Variants in APC observed in about 807,000 individuals in gnomAD.
The protein encoded by APC is adenomatous polyposis coli protein.
APC carries 72 observed loss-of-function variants against 247.0 expected under a neutral mutation model. The ratio of observed to expected loss-of-function variants is 0.29; its 90% CI spans 0.24 to 0.35. The LOEUF (loss-of-function observed/expected upper bound fraction) is 0.35, where lower values mean the gene tolerates loss of function less well. Ranked by LOEUF, APC falls within the 10% of genes least tolerant of loss-of-function variation. The pLI, the probability that APC is intolerant of heterozygous loss-of-function variation, is 1.00. For synonymous variants in APC, 1,254 were observed against 1,162.5 expected, an observed-to-expected ratio of 1.08 and a Z score of -1.60; for missense variants, 3,400 against 3,360.7, an observed-to-expected ratio of 1.01 and a Z score of -0.29.
intron 7 of APC, among the ~76,000 whole-genome samples, chr5:112,797,531 A>G (rs1580442006): frequency 6.6e-6 from 1 of 152,192 alleles, no homozygotes; most frequent in Non-Finnish European, 1.5e-5. Context: ...TAATTATTAC[A>G]CATGATTCAA....
At chr5:112,732,524 T>C (rs767165592) in intron 1 of APC, among the ~76,000 whole-genome samples, 1 of 152,236 alleles carries the variant, frequency 6.6e-6, no homozygotes, top group Admixed American at 6.5e-5. Flanking sequence ...ATAATATTAT[T>C]TAACAATTGC....
At chr5:112,833,285 C>T (rs995878769) in intron 14 of APC, among the ~76,000 whole-genome samples, 41 of 151,272 alleles carry the variant, frequency 2.7e-4, no homozygotes, top group African/African-American at 9.2e-4. Context: ...CTGGTTCAAG[C>T]GATTCCCCTG....
chr5:112,837,562 A>T lies in APC; in HGVS notation c.1968A>T (p.Leu656=). The stretch of plus-strand genomic sequence containing the variant: ...CTTGATTTTATTTCAGGCAAATCCT[A>T]AGAGAGAACAACTGTCTACAAACTT... ...IATNEDHRQI[L]RENNCLQTLL... Residue 656 remains leucine, a synonymous_variant, in exon 16 of 16, where the codon CTA becomes CTT. Coordinates refer to ENST00000257430, the MANE Select transcript of APC (RefSeq NM_000038.6). The T allele has an allele frequency of 6.2e-7, 1 of 1,612,494 alleles. No individual in the cohort carries two copies. The highest frequency in any genetic ancestry group is 8.5e-7 in the Non-Finnish European group (1 of 1,178,612).
At chr5:112,738,501 C>T in intron 1 of APC, 15 of 985,324 alleles carry the variant, frequency 1.5e-5, no homozygotes, top group Non-Finnish European at 1.8e-5. Context: ...TGGTGAAATA[C>T]TGGTCACCAG....
intron 7 of APC, among the ~76,000 whole-genome samples, chr5:112,793,405 A>G (rs1759860917): frequency 6.6e-6 from 1 of 152,166 alleles, no homozygotes; most frequent in African/African-American, 2.4e-5. Flanking sequence ...AAGGAATGTG[A>G]CTAACCCTGA....
intron 2 of APC, among the ~76,000 whole-genome samples, chr5:112,760,597 C>G (rs1216049214): frequency 6.6e-6 from 1 of 152,074 alleles, no homozygotes; most frequent in Non-Finnish European, 1.5e-5. Flanking sequence ...TTAGGAAAGA[C>G]CTATTAGAGG....
In APC at chr5:112,841,978, T is replaced by A. The variant is rs1580670325; in HGVS notation, c.6384T>A (p.Ala2128=). Residue 2128 remains alanine, a synonymous_variant, in exon 16 of 16, where the codon GCT becomes GCA. Coordinates refer to ENST00000257430, the MANE Select transcript of APC (RefSeq NM_000038.6). This position sits in a 1 kb window ranked among gnomAD's most constrained non-coding sequence, Gnocchi z 4.6. The part of the protein sequence containing the change: ...AAAAACLSRQ[A]SSDSDSILSL... ...CTGCTGCATGTTTATCTAGACAAGC[T>A]TCGTCTGATTCAGATTCCATCCTTT... The A allele has an allele frequency of 1.9e-6, 3 of 1,613,186 alleles. No homozygotes were observed. Among genetic ancestry groups the A allele is most frequent in the Non-Finnish European group, 2.5e-6 (3 of 1,179,188 alleles).
At chr5:112,835,868 C>T (rs991534089) in intron 15 of APC, among the ~76,000 whole-genome samples, 4 of 151,528 alleles carry the variant, frequency 2.6e-5, no homozygotes, top group East Asian at 2.0e-4. Context: ...CCACCGCGCC[C>T]GGCCAATAAT....
At position 112,842,698 on chromosome 5, in the gene APC, TCCA is replaced by T. The variant is rs1064794884; in HGVS notation, c.7105_7107del (p.Pro2369del). ...GTTCTGGAAAAATGTCATATACATC[TCCA>T]GGTAGACAGATGAGCCAACAGAACC... On this transcript the variant is annotated inframe_deletion, in exon 16 of 16. Transcript: ENST00000257430. 1 of 1,613,352 alleles carries T rather than the reference TCCA, an allele frequency of 6.2e-7. No individual in the cohort carries two copies. The highest frequency in any genetic ancestry group is 8.5e-7 in the Non-Finnish European group (1 of 1,179,408).
rs774747249 is a variant in APC at position 112,843,834 on chromosome 5, C to G, written c.8240C>G (p.Pro2747Arg). ...EIKPGQNNPV[P>R]VSETNESSIV... ...AAACCAGGACAAAATAATCCTGTCC[C>G]TGTATCAGAGACTAATGAAAGTTCT... The change falls in exon 16 of 16, where the codon CCT (proline) becomes CGT (arginine). Residue 2747 changes from proline to arginine, a missense_variant. Transcript: ENST00000257430. This position sits in a 1 kb window ranked among gnomAD's most constrained non-coding sequence, Gnocchi z 4.8. 6.2e-7 allele frequency: 1 copy of G among 1,614,022 alleles called. No individual in the cohort carries two copies. The highest frequency in any genetic ancestry group is 8.5e-7 in the Non-Finnish European group (1 of 1,179,948).
At position 112,838,526 on chromosome 5, in the gene APC, C is replaced by A. The variant is rs1765298309; in HGVS notation, c.2932C>A (p.Gln978Lys). Residue 978 changes from glutamine to lysine, a missense_variant, in exon 16 of 16, where the codon CAA becomes AAA. Coordinates refer to ENST00000257430, the MANE Select transcript of APC (RefSeq NM_000038.6). ...SSSDGYGKRG[Q>K]MKPSIESYSE... ...TAGTGATGGTTATGGTAAAAGAGGTCAAATGAAACCCTCGATTGAATCCTA... is the reference window on the plus strand; with the variant it reads ...TAGTGATGGTTATGGTAAAAGAGGTAAAATGAAACCCTCGATTGAATCCTA... 1 of 1,614,110 alleles carries A rather than the reference C, an allele frequency of 6.2e-7. No individual in the cohort carries two copies. Among genetic ancestry groups the A allele is most frequent in the Middle Eastern group, 1.6e-4 (1 of 6,062 alleles).
intron 7 of APC, among the ~76,000 whole-genome samples, chr5:112,795,419 T>C (rs1034854245): frequency 2.6e-5 from 4 of 152,232 alleles, no homozygotes; most frequent in African/African-American, 9.7e-5. Context: ...TAGGCATGAT[T>C]AATTAAATAA....
chr5:112,764,660 G>A (rs1756065462), intron 2 of APC, among the ~76,000 whole-genome samples: 1 of 152,192 alleles, frequency 6.6e-6, no homozygotes, highest in Non-Finnish European at 1.5e-5. Flanking sequence ...AGTGAAGTTA[G>A]GATTCGAGAC....
chr5:112,813,752 TA>T (rs374758963), intron 8 of APC, among the ~76,000 whole-genome samples: 320 of 132,068 alleles, frequency 2.4e-3, no homozygotes, highest in Middle Eastern at 3.8e-3. Context: ...ACCTTGTCTC[TA>T]AAAAAAAAAA....
At chr5:112,774,464 A>ATTTTT (rs35554771) in intron 4 of APC, among the ~76,000 whole-genome samples, 7 of 121,264 alleles carry the variant, frequency 5.8e-5, no homozygotes, top group Non-Finnish European at 1.0e-4. Context: ...TGCAAGATCG[A>ATTTTT]TTTTTTTTTT....
chr5:112,819,492 TTAAGTCTGTATTTCC>T (rs1160070190), intron 10 of APC, 148 bp downstream of exon 10: 1 of 1,122,122 alleles, frequency 8.9e-7, no homozygotes, highest in East Asian at 2.6e-5. Flanking sequence ...ATTTAAAAGA[TTAAGTCTGTATTTCC>T]CTAGAAAAAT....
chr5:112,824,403 G>T (rs938046110), intron 11 of APC, among the ~76,000 whole-genome samples: 2 of 152,056 alleles, frequency 1.3e-5, no homozygotes, highest in African/African-American at 4.8e-5. Context: ...TCATTTGCCT[G>T]AAATCAAAAA....
intron 7 of APC, 77 bp from the exon 8 acceptor site, chr5:112,801,202 A>C (rs1245674066): frequency 8.3e-7 from 1 of 1,208,058 alleles, no homozygotes; most frequent in African/African-American, 1.5e-5. Context: ...GCTTTAAAGC[A>C]AAAAAAGAAA....
At chr5:112,711,346 G>A (rs1750833772) in intron 1 of APC, among the ~76,000 whole-genome samples, 1 of 152,158 alleles carries the variant, frequency 6.6e-6, no homozygotes, top group African/African-American at 2.4e-5. Flanking sequence ...CCCAACTCCT[G>A]TCCCATGGAA....
Sources: gnomAD v4.1 joint callset for allele counts (sites outside exome capture counted in the v4.1 genomes callset) on GRCh38, gnomAD v4.1.1 for gene constraint, Gnocchi (gnomAD v3.1) non-coding constraint, MANE v1.5 for transcripts, NCBI Gene and HGNC (gene_info 2026-07-23, HGNC 2026-07-21) for gene names.